NT5DC4: variants seen among roughly 807,000 people sequenced by gnomAD.
NT5DC4 encodes 5'-nucleotidase domain-containing protein 4.
NT5DC4 carries 44 observed loss-of-function variants against 26.6 expected under a neutral mutation model. The ratio of observed to expected loss-of-function variants is 1.65; its 90% CI spans 1.30 to 2.13. The LOEUF (loss-of-function observed/expected upper bound fraction) is 2.13. Ranked by LOEUF, NT5DC4 falls within the 30% of genes most tolerant of loss-of-function variation. The pLI, the probability that NT5DC4 is intolerant of heterozygous loss-of-function variation, is 0.00. For missense variants in NT5DC4, 399 were observed against 228.1 expected, an observed-to-expected ratio of 1.75 and a Z score of -4.83; for synonymous variants, 157 against 86.7, an observed-to-expected ratio of 1.81 and a Z score of -4.51.
chr2:112,728,372 G>A (rs1390528982), intron 15 of NT5DC4, among the ~76,000 whole-genome samples: 3 of 152,174 alleles, frequency 2.0e-5, no homozygotes, highest in Non-Finnish European at 4.4e-5. Flanking sequence ...ACTCTGGCTG[G>A]TTTTCCTCTG....
intron 15 of NT5DC4, among the ~76,000 whole-genome samples, chr2:112,728,226 T>C (rs1415839604): frequency 6.6e-6 from 1 of 152,236 alleles, no homozygotes; most frequent in Non-Finnish European, 1.5e-5. Context: ...CTGCTTTAGA[T>C]TGAGACCACA....
At chr2:112,726,980 T>TCC in intron 15 of NT5DC4, 2 of 563,438 alleles carry the variant, frequency 3.5e-6, no homozygotes, top group Non-Finnish European at 6.4e-6. Flanking sequence ...TTGCCTCCAG[T>TCC]CCCACAGTCT....
upstream of NT5DC4, among the ~76,000 whole-genome samples, chr2:112,720,562 C>G (rs1014778562): frequency 6.6e-6 from 1 of 152,200 alleles, no homozygotes; most frequent in Non-Finnish European, 1.5e-5. Flanking sequence ...TGCCACCCCC[C>G]CATTCTGAGA....
rs892271775 is a variant in NT5DC4, at chr2:112,722,195, C to T, written c.279C>T (p.Phe93=). Residue 93 remains phenylalanine (F), a synonymous_variant, in exon 4 of 17, where the codon TTC becomes TTT. Transcript: ENST00000688554. ...DPTFPTRRLV[F]DELYGNLLKV... ...CCCCCGTCTGCAGGCGGCTGGTGTTCGATGAACTCTATGGGAACCTGCTGA... is the reference window on the plus strand; with the variant it reads ...CCCCCGTCTGCAGGCGGCTGGTGTTTGATGAACTCTATGGGAACCTGCTGA... 1.1e-5 allele frequency: 8 copies of T among 716,814 alleles called. No homozygotes were observed. The highest frequency in any genetic ancestry group is 7.0e-5 in the African/African-American group (4 of 57,230). 44.4% of individuals were successfully genotyped at this position (716,814 alleles called of 1,614,324 possible).
At chr2:112,734,550 C>A (rs1678856272) in intron 16 of NT5DC4, among the ~76,000 whole-genome samples, 1 of 152,160 alleles carries the variant, frequency 6.6e-6, no homozygotes, top group Non-Finnish European at 1.5e-5. Context: ...TGACACTATC[C>A]CATCCTCCAA....
chr2:112,724,980 A>ATAGC, intron 11 of NT5DC4, 74 bp downstream of exon 11: 1 of 694,518 alleles, frequency 1.4e-6, no homozygotes, highest in Non-Finnish European at 2.7e-6. Flanking sequence ...ACCTGCCTTT[A>ATAGC]TAGCTGGCAG....
At chr2:112,734,972 G>C (rs1442704954) in intron 16 of NT5DC4, among the ~76,000 whole-genome samples, 1 of 151,600 alleles carries the variant, frequency 6.6e-6, no homozygotes, top group African/African-American at 2.4e-5. Flanking sequence ...TTATAGGCGT[G>C]AGCCACCGCA....
chr2:112,734,466 T>C (rs1465250843), intron 16 of NT5DC4, among the ~76,000 whole-genome samples: 1 of 152,094 alleles, frequency 6.6e-6, no homozygotes, highest in Non-Finnish European at 1.5e-5. Flanking sequence ...CAGATTTCTA[T>C]CTTTATCTTT....
upstream of NT5DC4, among the ~76,000 whole-genome samples, chr2:112,719,548 C>G (rs1466849012): frequency 7.4e-6 from 1 of 134,578 alleles, no homozygotes; most frequent in Non-Finnish European, 1.5e-5. Context: ...TGCAGTGGCA[C>G]GATCTTGGAT....
downstream of NT5DC4, among the ~76,000 whole-genome samples, chr2:112,740,317 C>G (rs555174814): frequency 8.0e-4 from 122 of 152,290 alleles, no homozygotes; most frequent in African/African-American, 2.7e-3. Flanking sequence ...AGATCATGAT[C>G]AGAGAAGAGT....
chr2:112,739,008 T>C lies in NT5DC4; in HGVS notation c.*72T>C. ...ATCCTCGACGAACGCCGTACAGGAG[T>C]GATAAATTTCATGTCTTGCACTTCC... On this transcript the variant is annotated 3_prime_UTR_variant, in exon 17 of 17. Coordinates refer to ENST00000688554, the MANE Select transcript of NT5DC4 (RefSeq NM_001393655.1). The C allele has an allele frequency of 6.2e-6, 10 of 1,613,760 alleles. No homozygotes were observed. Among genetic ancestry groups the C allele is most frequent in the Non-Finnish European group, 8.5e-6 (10 of 1,179,822 alleles).
In NT5DC4 at chr2:112,731,757, C is replaced by T. The variant is rs184244472; in HGVS notation, c.1344+2053C>T. 27 of 152,138 alleles carry T rather than the reference C, an allele frequency of 1.8e-4. No homozygotes were observed. The East Asian group carries it at 5.0e-3, about 28-fold the overall frequency. 9.4% of individuals were successfully genotyped at this position (152,138 alleles called of 1,614,324 possible). On this transcript the variant is annotated intron_variant, in intron 16 of 16. Coordinates refer to ENST00000688554, the MANE Select transcript of NT5DC4 (RefSeq NM_001393655.1). ...GGTATCATCTGGCATTCTGTGGAGA[C>T]CTAGGTTGAATCTGCATGTTTGAAA...
intron 1 of NT5DC4, 33 bp from the exon 2 acceptor site, chr2:112,721,785 G>A: frequency 1.4e-6 from 1 of 717,092 alleles, no homozygotes; most frequent in African/African-American, 1.7e-5. Flanking sequence ...GGGGCTGGTG[G>A]ACTGATGCCA....
In NT5DC4 at chr2:112,722,183, G is replaced by A. The variant is rs1008623561; in HGVS notation, c.267G>A (p.Arg89=). Residue 89 remains arginine (R), a splice_region_variant and synonymous_variant, in exon 4 of 17, where the codon AGG becomes AGA. Coordinates refer to ENST00000688554, the MANE Select transcript of NT5DC4 (RefSeq NM_001393655.1). ...RYTYDPTFPT[R]RLVFDELYGN... ...GTGCCCCCCGACCCCCCGTCTGCAG[G>A]CGGCTGGTGTTCGATGAACTCTATG... 1.4e-6 allele frequency: 1 copy of A among 716,806 alleles called. No homozygotes were observed. Among genetic ancestry groups the A allele is most frequent in the African/African-American group, 1.7e-5 (1 of 57,218 alleles). The allele number at this position is 716,806 out of a possible 1,614,324, so 44.4% of individuals were successfully genotyped here.
At chr2:112,719,949 TC>T (rs1676713742), upstream of NT5DC4, among the ~76,000 whole-genome samples, 10 of 116,736 alleles carry the variant, frequency 8.6e-5, no homozygotes, top group African/African-American at 3.4e-4. Flanking sequence ...TTTCTTTCTT[TC>T]TTTCTTTCTT....
rs767993050 is a variant in NT5DC4 at position 112,722,000 on chromosome 2, G to C, written c.163G>C (p.Ala55Pro). Residue 55 changes from alanine (A) to proline (P), a missense_variant, in exon 3 of 17, where the codon GCT (alanine) becomes CCT (proline). Coordinates refer to ENST00000688554, the MANE Select transcript of NT5DC4 (RefSeq NM_001393655.1). Reference sequence around the variant, plus strand: ...GGCCTCTGCAGCCTACAAGTCCCCAGCTTATGAGGCCCTGACCTTCGAGCT... The same window carrying C: ...GGCCTCTGCAGCCTACAAGTCCCCACCTTATGAGGCCCTGACCTTCGAGCT... ...DYTLAAYKSP[A>P]YEALTFELLL... is the part of the protein sequence containing the mutation. The C allele has an allele frequency of 7.0e-5, 50 of 717,150 alleles. No homozygotes were observed. Among genetic ancestry groups the C allele is most frequent in the South Asian group, 2.7e-4 (18 of 67,602 alleles). 44.4% of individuals were successfully genotyped at this position (717,150 alleles called of 1,614,324 possible). A position where few individuals can be genotyped will look rare whatever the true frequency, so the allele number is the denominator to read the frequency against.
intron 13 of NT5DC4, among the ~76,000 whole-genome samples, chr2:112,725,754 T>C (rs1006746165): frequency 5.9e-5 from 9 of 152,028 alleles, no homozygotes; most frequent in Admixed American, 6.6e-5. Context: ...ACACAGCCAG[T>C]AGGGGGAAAG....
chr2:112,725,157 C>A lies in NT5DC4; in HGVS notation c.916-17C>A, dbSNP rs1338892032. ...ATGTGGTTCTCCTGGCTCCAGGGCA[C>A]CCCTCTGCCCCTCCAGGACTCAGGA... On this transcript the variant is annotated splice_polypyrimidine_tract_variant and intron_variant, in intron 11 of 16. Coordinates refer to ENST00000688554, the MANE Select transcript of NT5DC4 (RefSeq NM_001393655.1). 2.8e-6 allele frequency: 2 copies of A among 711,616 alleles called. No homozygotes were observed. Among genetic ancestry groups the A allele is most frequent in the East Asian group, 5.4e-5 (2 of 37,048 alleles). The allele number at this position is 711,616 out of a possible 1,614,324, so 44.1% of individuals were successfully genotyped here.
In NT5DC4 at chr2:112,733,726, CTAG is replaced by C. The variant is rs1678743393; in HGVS notation, c.1344+4024_1344+4026del. ...GAGAGAGATGCATTTCCATTTGGGA[CTAG>C]TGACAGCAGCTGAACTGACATCCTC... On this transcript the variant is annotated intron_variant, in intron 16 of 16. Coordinates refer to ENST00000688554, the MANE Select transcript of NT5DC4 (RefSeq NM_001393655.1). 6.6e-5 allele frequency among the ~76,000 whole-genome samples: 10 copies of C among 152,298 alleles called. No homozygotes were observed. The South Asian group carries it at 2.1e-3, about 32-fold the overall frequency.
Sources: gnomAD v4.1 joint callset for allele counts (sites outside exome capture counted in the v4.1 genomes callset) on GRCh38, gnomAD v4.1.1 for gene constraint, MANE v1.5 for transcripts, NCBI Gene and HGNC (gene_info 2026-07-23, HGNC 2026-07-21) for gene names.